KIF2C: variants seen among roughly 807,000 people sequenced by gnomAD.
KIF2C encodes the protein kinesin-like protein KIF2C.
KIF2C carries 34 observed loss-of-function variants against 97.4 expected under a neutral mutation model. The observed-to-expected ratio is 0.35, with a 90% CI of 0.27 to 0.46. The LOEUF is 0.46. KIF2C is among the 20% of genes least tolerant of loss of function. The probability of loss-of-function intolerance (pLI) is 1.00; values close to 1 mark genes in which losing one functional copy is unlikely to be tolerated. For missense variants in KIF2C, 750 were observed against 907.6 expected (o/e 0.83, Z 2.23); for synonymous variants, 313 against 318.2 (o/e 0.98, Z 0.17).
chr1:44,750,185 TACTC>T (rs1475885882), intron 4 of KIF2C: 3 of 291,348 alleles, frequency 1.0e-5, no homozygotes, highest in Non-Finnish European at 1.9e-5. Flanking sequence ...TTCCTGTACT[TACTC>T]AAGACAGCCG....
rs746103509 is a variant in KIF2C, at chr1:44,760,305, T to TC, written c.1395dup (p.Asn466GlnfsTer16). 4 of 1,614,004 alleles carry TC rather than the reference T, an allele frequency of 2.5e-6. No homozygotes were observed. The highest frequency in any genetic ancestry group is 2.2e-5 in the East Asian group (1 of 44,902). ...AACCTCTGGGCAGACATTTGCCAAC[T>TC]CCAATTCCTCCCGCTCCCACGCGTG... On this transcript the variant is annotated frameshift_variant, in exon 15 of 21. Coordinates refer to ENST00000372224, the MANE Select transcript of KIF2C (RefSeq NM_006845.4). LOFTEE classifies it high-confidence loss of function. The surrounding 1 kb of genome is among the most constrained non-coding windows in gnomAD (Gnocchi z 4.2).
chr1:44,742,718 CAAAAAA>C (rs5773851), intron 2 of KIF2C, among the ~76,000 whole-genome samples: 1 of 87,356 alleles, frequency 1.1e-5, no homozygotes, highest in Admixed American at 1.2e-4. Flanking sequence ...AACTTCGTCT[CAAAAAA>C]AAAAAAAAAA....
chr1:44,755,292 GTC>G (rs1447557057), intron 8 of KIF2C, among the ~76,000 whole-genome samples: 2 of 151,992 alleles, frequency 1.3e-5, no homozygotes, highest in Non-Finnish European at 2.9e-5. Flanking sequence ...TTGAGACAGA[GTC>G]TCGCTCTGTC....
intron 4 of KIF2C, among the ~76,000 whole-genome samples, chr1:44,750,039 G>A (rs1056191650): frequency 1.2e-4 from 17 of 140,594 alleles, no homozygotes; most frequent in African/African-American, 3.2e-4. Flanking sequence ...CCGAGATCGC[G>A]CCACTGCACA....
At chr1:44,755,818 C>T in intron 8 of KIF2C, 111 bp from the exon 9 acceptor site, 1 of 929,630 alleles carries the variant, frequency 1.1e-6, no homozygotes. Context: ...TAGATCTTGG[C>T]CTCTGACTGG....
In KIF2C at chr1:44,760,851, CT is replaced by C. The variant is rs1650104907; in HGVS notation, c.1683+152del. On this transcript the variant is annotated intron_variant, in intron 16 of 20. Transcript: ENST00000372224. This position sits in a 1 kb window ranked among gnomAD's most constrained non-coding sequence, Gnocchi z 4.2. ...ACCGTGACTGGGCTTCCAGACCCTG[CT>C]TTAATGCACGAGACTCCTTGTGGCC... The C allele has an allele frequency of 1.6e-6, 1 of 637,220 alleles. No individual in the cohort carries two copies. 39.5% of individuals were successfully genotyped at this position (637,220 alleles called of 1,614,324 possible). A position where few individuals can be genotyped will look rare whatever the true frequency, so the allele number is the denominator to read the frequency against.
intron 5 of KIF2C, among the ~76,000 whole-genome samples, chr1:44,752,231 C>T (rs142673076): frequency 1.6e-3 from 245 of 151,290 alleles, no homozygotes; most frequent in African/African-American, 5.5e-3. Context: ...CTCTGCCTCC[C>T]GGGTTCATGC....
At position 44,755,911 on chromosome 1, in the gene KIF2C, CCT is replaced by C; in HGVS notation, c.760-14_760-13del. 2 of 1,613,204 alleles carry C rather than the reference CCT, an allele frequency of 1.2e-6. No homozygotes were observed. Among genetic ancestry groups the C allele is most frequent in the South Asian group, 1.1e-5 (1 of 91,046 alleles). ...TCTGACCCTTTGCTGTTGGTTGCCTCCTCTCATCCGCTTGCAGATCGAAGAGC... is the reference window on the plus strand; with the variant it reads ...TCTGACCCTTTGCTGTTGGTTGCCTCCTCATCCGCTTGCAGATCGAAGAGC... On this transcript the variant is annotated splice_polypyrimidine_tract_variant and intron_variant, in intron 8 of 20. Transcript: ENST00000372224.
chr1:44,754,800 A>G lies in KIF2C; in HGVS notation c.714A>G (p.Glu238=). 6.2e-7 allele frequency: 1 copy of G among 1,613,638 alleles called. No homozygotes were observed. Among genetic ancestry groups the G allele is most frequent in the African/African-American group, 1.3e-5 (1 of 75,040 alleles). Residue 238 remains glutamate, a synonymous_variant, in exon 8 of 21, where the codon GAA becomes GAG. Transcript: ENST00000372224. ...GGGAATTTGCCCGAATGATTAAAGA[A>G]TTTCGGGCTACTTTGGAATGTCATC... The part of the protein sequence containing the change: ...PNWEFARMIK[E]FRATLECHPL...
At chr1:44,755,018 G>A (rs1261036628) in intron 8 of KIF2C, among the ~76,000 whole-genome samples, 173 bp downstream of exon 8, 3 of 151,940 alleles carry the variant, frequency 2.0e-5, no homozygotes, top group African/African-American at 2.4e-5. Flanking sequence ...GCAGTGGTAC[G>A]ATCTTGGATC....
At chr1:44,756,670 A>G (rs1013408001) in intron 10 of KIF2C, among the ~76,000 whole-genome samples, 4 of 146,238 alleles carry the variant, frequency 2.7e-5, no homozygotes, top group Non-Finnish European at 4.4e-5. Flanking sequence ...CTCTTGCCTC[A>G]GCCTCCCACA....
chr1:44,763,795 G>A (rs1650295843), intron 19 of KIF2C, among the ~76,000 whole-genome samples: 1 of 152,160 alleles, frequency 6.6e-6, no homozygotes, highest in South Asian at 2.1e-4. Flanking sequence ...CAACACGTTG[G>A]GAGGCCGAGG....
rs201892340 is a variant in KIF2C at position 44,760,431 on chromosome 1, C to A, written c.1519C>A (p.Arg507=). Residue 507 remains arginine, a synonymous_variant, in exon 15 of 21, where the codon CGG becomes AGG. Coordinates refer to ENST00000372224, the MANE Select transcript of KIF2C (RefSeq NM_006845.4). The surrounding 1 kb of genome is among the most constrained non-coding windows in gnomAD (Gnocchi z 4.2). Reference sequence around the variant, plus strand: ...AGGCGCGGACACTTCCAGTGCTGACCGGCAGACCCGCATGGAGGGCGCAGA... The same window carrying A: ...AGGCGCGGACACTTCCAGTGCTGACAGGCAGACCCGCATGGAGGGCGCAGA... ...ERGADTSSAD[R]QTRMEGAEIN... is the part of the protein sequence containing the mutation. 22 of 1,614,072 alleles carry A rather than the reference C, an allele frequency of 1.4e-5. No individual in the cohort carries two copies. The East Asian group carries it at 4.7e-4, about 34-fold the overall frequency.
At chr1:44,761,522 G>A (rs961339276) in intron 16 of KIF2C, among the ~76,000 whole-genome samples, 4 of 151,958 alleles carry the variant, frequency 2.6e-5, no homozygotes, top group African/African-American at 9.7e-5. Flanking sequence ...GCAGGAGAAT[G>A]GCGTGAACCT....
intron 13 of KIF2C, 56 bp downstream of exon 13, chr1:44,758,196 C>G: frequency 6.6e-7 from 1 of 1,521,314 alleles, no homozygotes; most frequent in African/African-American, 1.4e-5. Flanking sequence ...TTTTTAAAAC[C>G]TTGAAGCTGG....
At chr1:44,749,130 C>G (rs568276287) in intron 4 of KIF2C, among the ~76,000 whole-genome samples, 1 of 151,954 alleles carries the variant, frequency 6.6e-6, no homozygotes, top group Non-Finnish European at 1.5e-5. Flanking sequence ...AACCCTGTCT[C>G]TATTCAAAAT....
At chr1:44,744,830 G>C (rs577823670) in intron 2 of KIF2C, among the ~76,000 whole-genome samples, 1 of 152,034 alleles carries the variant, frequency 6.6e-6, no homozygotes, top group African/African-American at 2.4e-5. Context: ...AACCCGGGAG[G>C]TGGAGGTTGC....
intron 5 of KIF2C, 35 bp downstream of exon 5, chr1:44,750,599 G>A: frequency 6.8e-7 from 1 of 1,480,536 alleles, no homozygotes; most frequent in Non-Finnish European, 9.1e-7. Flanking sequence ...CACCATGTTT[G>A]AGGCCCTGGA....
In KIF2C at chr1:44,760,049, A is replaced by G. The variant is rs919674983; in HGVS notation, c.1368-231A>G. ...GTGTCCTTCTAGGGCTCCAGGTCTG[A>G]CAAAGGCCCTAGTCCAGAATCCAGT... On this transcript the variant is annotated intron_variant, in intron 14 of 20. Transcript: ENST00000372224. This position sits in a 1 kb window ranked among gnomAD's most constrained non-coding sequence, Gnocchi z 4.2. 2.6e-5 allele frequency among the ~76,000 whole-genome samples: 4 copies of G among 152,270 alleles called. No homozygotes were observed. Among genetic ancestry groups the G allele is most frequent in the Admixed American group, 2.6e-4 (4 of 15,284 alleles).
Sources: allele counts gnomAD v4.1 joint callset (sites outside exome capture counted in the v4.1 genomes callset), GRCh38; gene constraint gnomAD v4.1.1; non-coding constraint Gnocchi (gnomAD v3.1); transcripts MANE v1.5; gene names NCBI Gene and HGNC (gene_info 2026-07-23, HGNC 2026-07-21).